SHISA6: variants seen among roughly 807,000 people sequenced by gnomAD.
SHISA6 encodes shisa family member 6, also known as protein shisa-6.
Under a neutral mutation model 47.9 loss-of-function variants are expected in SHISA6, and 22 were observed. The observed-to-expected ratio is 0.46, with a 90% CI of 0.33 to 0.66. The LOEUF (loss-of-function observed/expected upper bound fraction) is 0.66, where lower values mean the gene tolerates loss of function less well. Among genes scored for constraint, SHISA6 ranks in the 30% least tolerant of loss-of-function variants. SHISA6 has a pLI of 0.02. For synonymous variants in SHISA6, 388 were observed against 337.8 expected (o/e 1.15, Z -1.63); for missense variants, 680 against 764.6 (o/e 0.89, Z 1.30).
At chr17:11,408,361 C>A (rs896229741) in intron 3 of SHISA6, among the ~76,000 whole-genome samples, 1 of 152,172 alleles carries the variant, frequency 6.6e-6, no homozygotes, top group Non-Finnish European at 1.5e-5. Context: ...TGGGCTCTAT[C>A]CCAGACTTAC....
At chr17:11,477,881 C>T (rs1250747130) in intron 3 of SHISA6, among the ~76,000 whole-genome samples, 5 of 149,726 alleles carry the variant, frequency 3.3e-5, no homozygotes, top group South Asian at 2.1e-4. Flanking sequence ...AATAAACATA[C>T]GTGTGCGTGT....
chr17:11,305,043 G>C (rs1212580556), intron 2 of SHISA6, among the ~76,000 whole-genome samples: 1 of 152,226 alleles, frequency 6.6e-6, no homozygotes, highest in Non-Finnish European at 1.5e-5. Flanking sequence ...ATTGACCTGT[G>C]GTGTTGGGGC....
intron 2 of SHISA6, among the ~76,000 whole-genome samples, chr17:11,335,345 G>C (rs1911282494): frequency 6.6e-6 from 1 of 152,194 alleles, no homozygotes; most frequent in Admixed American, 6.5e-5. Flanking sequence ...GAGCAGAGGA[G>C]CTTGAGTCAA....
At chr17:11,476,647 T>TA (rs1241128914) in intron 3 of SHISA6, among the ~76,000 whole-genome samples, 3 of 151,698 alleles carry the variant, frequency 2.0e-5, no homozygotes, top group African/African-American at 7.2e-5. Context: ...GATGTTATGT[T>TA]AAATTCATTA....
intron 2 of SHISA6, among the ~76,000 whole-genome samples, chr17:11,317,511 CAT>C (rs2142192906): frequency 6.6e-6 from 1 of 151,962 alleles, no homozygotes. Flanking sequence ...CATAAATACA[CAT>C]ATGTATATTT....
At chr17:11,479,005 G>T (rs1042476417) in intron 3 of SHISA6, among the ~76,000 whole-genome samples, 2 of 152,034 alleles carry the variant, frequency 1.3e-5, no homozygotes, top group Non-Finnish European at 2.9e-5. Flanking sequence ...AATCAATATC[G>T]TGAAAATGGC....
intron 3 of SHISA6, among the ~76,000 whole-genome samples, chr17:11,407,894 C>T (rs562176168): frequency 6.6e-6 from 1 of 152,324 alleles, no homozygotes; most frequent in East Asian, 1.9e-4. Context: ...CGTCTGTCCT[C>T]ATCACTGCAG....
At chr17:11,515,102 C>T (rs1424932847) in intron 3 of SHISA6, among the ~76,000 whole-genome samples, 2 of 151,780 alleles carry the variant, frequency 1.3e-5, no homozygotes, top group Non-Finnish European at 2.9e-5. Flanking sequence ...TCAGGAGGAC[C>T]CAGGATTCCC....
At chr17:11,283,432 CT>C (rs1161142169) in intron 2 of SHISA6, among the ~76,000 whole-genome samples, 2 of 152,192 alleles carry the variant, frequency 1.3e-5, no homozygotes, top group African/African-American at 4.8e-5. Context: ...GATTTTCTTT[CT>C]ATTTCTCCAT....
intron 3 of SHISA6, among the ~76,000 whole-genome samples, chr17:11,382,398 C>T (rs1414092091): frequency 2.0e-5 from 3 of 152,112 alleles, no homozygotes; most frequent in African/African-American, 4.8e-5. Flanking sequence ...CTTCTAATGT[C>T]AGGGACTCTT....
chr17:11,502,408 C>CAAAAAAA (rs33980148), intron 3 of SHISA6, among the ~76,000 whole-genome samples: 2 of 34,056 alleles, frequency 5.9e-5, no homozygotes, highest in East Asian at 1.1e-3. Flanking sequence ...GACTCCGTCT[C>CAAAAAAA]AAAAAAAAAA....
At position 11,478,853 on chromosome 17, in the gene SHISA6, G is replaced by A. The variant is rs1482595283; in HGVS notation, c.896-73043G>A. ...GTAGTATAGTTTGAAGTCAGGTAGT[G>A]TGATGCCTCCAGCTTTGTTCTTTTG... On this transcript the variant is annotated intron_variant, in intron 3 of 5. Transcript: ENST00000441885. Among the ~76,000 whole-genome samples, 5 of 144,714 alleles carry A rather than the reference G, an allele frequency of 3.5e-5. No individual in the cohort carries two copies. The East Asian group carries it at 6.1e-4, about 18-fold the overall frequency. 94.9% of individuals were successfully genotyped at this position (144,714 alleles called of 152,430 possible).
At chr17:11,423,239 G>A (rs9894867) in intron 3 of SHISA6, among the ~76,000 whole-genome samples, 4,451 of 134,550 alleles carry the variant, frequency 0.033, 219 homozygotes, top group African/African-American at 0.11. Context: ...GTGTGTGTGT[G>A]TATATATATA....
intron 2 of SHISA6, among the ~76,000 whole-genome samples, chr17:11,276,328 A>G (rs1202402953): frequency 6.6e-6 from 1 of 152,078 alleles, no homozygotes; most frequent in African/African-American, 2.4e-5. Flanking sequence ...TGGCCTAGGA[A>G]GTGGAAACTA....
chr17:11,288,874 A>G (rs1255855869), intron 2 of SHISA6: 2 of 152,162 alleles, frequency 1.3e-5, no homozygotes, highest in Admixed American at 1.3e-4. Flanking sequence ...AATGAGGCTA[A>G]ATGATACTGA....
At chr17:11,443,354 G>A (rs1297790393) in intron 3 of SHISA6, among the ~76,000 whole-genome samples, 1 of 152,204 alleles carries the variant, frequency 6.6e-6, no homozygotes, top group Non-Finnish European at 1.5e-5. Flanking sequence ...TGAAAGCCAA[G>A]GCAATTCTTA....
intron 2 of SHISA6, among the ~76,000 whole-genome samples, chr17:11,311,131 A>T (rs929336199): frequency 2.0e-5 from 3 of 148,772 alleles, no homozygotes; most frequent in African/African-American, 7.5e-5. Context: ...AAAAAAAAAA[A>T]ATTAGCCGGG....
chr17:11,431,792 A>T (rs897040146), intron 3 of SHISA6, among the ~76,000 whole-genome samples: 5 of 152,218 alleles, frequency 3.3e-5, no homozygotes, highest in Non-Finnish European at 7.3e-5. Flanking sequence ...TAAGTTAAAA[A>T]CACAACAAAA....
intron 2 of SHISA6, among the ~76,000 whole-genome samples, chr17:11,294,800 T>C (rs934636639): frequency 1.3e-5 from 2 of 152,182 alleles, no homozygotes; most frequent in Admixed American, 1.3e-4. Flanking sequence ...GTTCTTACAA[T>C]AGACATTAGC....
Sources: gnomAD v4.1 joint callset for allele counts (sites outside exome capture counted in the v4.1 genomes callset) on GRCh38, gnomAD v4.1.1 for gene constraint, MANE v1.5 for transcripts, NCBI Gene and HGNC (gene_info 2026-07-23, HGNC 2026-07-21) for gene names.